Variants in SYNE1 observed in about 807,000 individuals in gnomAD.
SYNE1 encodes spectrin repeat containing nuclear envelope protein 1.
SYNE1 carries 616 observed loss-of-function variants against 1,111.0 expected under a neutral mutation model. The observed-to-expected ratio is 0.55, with a 90% CI of 0.52 to 0.59. SYNE1 has a LOEUF of 0.59. Among genes scored for constraint, SYNE1 ranks in the 20% least tolerant of loss-of-function variants. The pLI is 0.00. For missense variants in SYNE1, 10,006 were observed against 10,417.0 expected, an observed-to-expected ratio of 0.96 and a Z score of 1.72; for synonymous variants, 3,855 against 3,825.8, an observed-to-expected ratio of 1.01 and a Z score of -0.28.
At chr6:152,133,238 T>C in intron 143 of SYNE1, 38 bp downstream of exon 143, 1 of 1,584,862 alleles carries the variant, frequency 6.3e-7, no homozygotes, top group Non-Finnish European at 8.7e-7. Flanking sequence ...TGGTCTCCAG[T>C]AAGAAATGCT....
Position 152,520,662 on chromosome 6 carries a change from T to C in SYNE1, c.226-120A>G, listed in dbSNP as rs17699329. The C allele has an allele frequency of 0.024, 27,105 of 1,117,036 alleles. 437 individuals carry two copies. Among genetic ancestry groups the C allele is most frequent in the Non-Finnish European group, 0.031 (23,694 of 761,326 alleles). The allele number at this position is 1,117,036 out of a possible 1,614,324, so 69.2% of individuals were successfully genotyped here. The stretch of plus-strand genomic sequence containing the variant: ...AAGAATATTCAAAAGCAACCAACAT[T>C]GTTCACTTTCTATAAAGGTTAGCAA... On this transcript the variant is annotated intron_variant, in intron 5 of 145. Coordinates refer to ENST00000367255, the MANE Select transcript of SYNE1 (RefSeq NM_182961.4).
Position 152,285,931 on chromosome 6 carries a change from C to T in SYNE1, c.18013-1759G>A, listed in dbSNP as rs576439788. Among the ~76,000 whole-genome samples the T allele has an allele frequency of 3.2e-4, 49 of 152,260 alleles. No individual in the cohort carries two copies. The South Asian group carries it at 3.3e-3, about 10-fold the overall frequency. ...GGAAAAACAGGCTCTATCACCAGAGCGGCAACTATGATTTCAAGTAAAGTA... is the reference window on the plus strand; with the variant it reads ...GGAAAAACAGGCTCTATCACCAGAGTGGCAACTATGATTTCAAGTAAAGTA... On this transcript the variant is annotated intron_variant, in intron 95 of 145. Transcript: ENST00000367255.
intron 11 of SYNE1, among the ~76,000 whole-genome samples, chr6:152,496,291 G>A (rs1010692389): frequency 1.3e-5 from 2 of 152,124 alleles, no homozygotes; most frequent in African/African-American, 4.8e-5. Context: ...AATGAAGAGT[G>A]TTGTTTTTAC....
At chr6:152,580,168 C>T (rs1206627075) in intron 3 of SYNE1, among the ~76,000 whole-genome samples, 1 of 152,178 alleles carries the variant, frequency 6.6e-6, no homozygotes, top group East Asian at 1.9e-4. Context: ...CACAACCTTA[C>T]CAGCATCTGT....
chr6:152,487,686 C>A (rs1356391927), intron 12 of SYNE1, among the ~76,000 whole-genome samples: 1 of 152,164 alleles, frequency 6.6e-6, no homozygotes, highest in Non-Finnish European at 1.5e-5. Flanking sequence ...ACTCATGTTG[C>A]AATCCTTTGT....
chr6:152,133,571 T>A, intron 142 of SYNE1, 83 bp from the exon 143 acceptor site: 1 of 1,352,780 alleles, frequency 7.4e-7, no homozygotes, highest in Non-Finnish European at 1.0e-6. Context: ...GCAATCAACT[T>A]AACTTGGTGG....
intron 11 of SYNE1, among the ~76,000 whole-genome samples, chr6:152,498,459 T>A (rs1034205042): frequency 1.3e-5 from 2 of 152,346 alleles, no homozygotes; most frequent in Non-Finnish European, 1.5e-5. Context: ...AAGTCCTTTT[T>A]ATTAGTGTTA....
intron 52 of SYNE1, among the ~76,000 whole-genome samples, 173 bp from the exon 53 acceptor site, chr6:152,390,625 G>A (rs980631617): frequency 5.3e-5 from 8 of 152,172 alleles, no homozygotes; most frequent in Non-Finnish European, 7.3e-5. Context: ...TTAGGTATCT[G>A]GGAGTCTAGG....
chr6:152,409,487 G>T, intron 43 of SYNE1, 72 bp downstream of exon 43: 1 of 1,576,664 alleles, frequency 6.3e-7, no homozygotes, highest in South Asian at 1.1e-5. Flanking sequence ...GAATAGTGCA[G>T]ATAACTGCTT....
At chr6:152,294,171 G>T (rs1350136539) in intron 93 of SYNE1, 44 bp from the exon 94 acceptor site, 1 of 1,589,854 alleles carries the variant, frequency 6.3e-7, no homozygotes, top group South Asian at 1.1e-5. Context: ...AAAAGACAAA[G>T]TCTAGATTAA....
intron 66 of SYNE1, among the ~76,000 whole-genome samples, chr6:152,357,833 C>T (rs1197623590): frequency 6.6e-6 from 1 of 152,106 alleles, no homozygotes; most frequent in East Asian, 1.9e-4. Context: ...CTTTCTCCAC[C>T]ATGTCTGGCA....
chr6:152,461,592 C>T lies in SYNE1; in HGVS notation c.2394+5G>A, dbSNP rs199933019. On this transcript the variant is annotated splice_donor_5th_base_variant and intron_variant, in intron 21 of 145. Transcript: ENST00000367255. ...AGCCTATTGTGCATTAAATTATTTTCGCACCTTGGTTAGCTGCTCTTTGAG... is the reference window on the plus strand; with the variant it reads ...AGCCTATTGTGCATTAAATTATTTTTGCACCTTGGTTAGCTGCTCTTTGAG... 6.2e-6 allele frequency: 10 copies of T among 1,613,776 alleles called. 1 individual carries two copies. The highest frequency in any genetic ancestry group is 4.0e-5 in the African/African-American group (3 of 74,880).
chr6:152,546,456 G>A (rs2099313745), intron 3 of SYNE1: 1 of 152,120 alleles, frequency 6.6e-6, no homozygotes, highest in East Asian at 1.9e-4. Context: ...TCAATAATAT[G>A]ACAGAAGTGA....
intron 32 of SYNE1, among the ~76,000 whole-genome samples, chr6:152,440,567 A>ATTTTTTTT (rs10700163): frequency 1.6e-5 from 2 of 122,698 alleles, no homozygotes; most frequent in African/African-American, 3.3e-5. Flanking sequence ...TTGCCTCCAG[A>ATTTTTTTT]TTTTTTTTTT....
rs766830751 is a variant in SYNE1 at position 152,352,285 on chromosome 6, A to G, written c.11322T>C (p.Ala3774=). 2.6e-5 allele frequency: 42 copies of G among 1,614,144 alleles called. No individual in the cohort carries two copies. The highest frequency in any genetic ancestry group is 3.5e-5 in the Non-Finnish European group (41 of 1,180,024). The stretch of plus-strand genomic sequence containing the variant: ...CCTCGCCTTCCTCCAAGTATTTAAC[A>G]GCCCTCTCTCCTTTCTCCCGGGCTG... The part of the protein sequence containing the change: ...LKSAREKGER[A]VKYLEEGEAE... Residue 3774 remains alanine (A), a synonymous_variant, in exon 70 of 146, where the codon GCT becomes GCC. Transcript: ENST00000367255.
At chr6:152,217,048 G>T (rs2078891022) in intron 121 of SYNE1, among the ~76,000 whole-genome samples, 1 of 136,884 alleles carries the variant, frequency 7.3e-6, no homozygotes, top group Non-Finnish European at 1.5e-5. Flanking sequence ...GCGCAATAGA[G>T]CAAGACTCTA....
chr6:152,218,154 G>A (rs1054321383), intron 121 of SYNE1, 103 bp downstream of exon 121: 49 of 1,357,706 alleles, frequency 3.6e-5, no homozygotes, highest in South Asian at 1.9e-4. Flanking sequence ...ATCACACCAC[G>A]GCACTCCAGC....
At chr6:152,198,495 G>C (rs1023885550) in intron 127 of SYNE1, among the ~76,000 whole-genome samples, 1 of 152,168 alleles carries the variant, frequency 6.6e-6, no homozygotes, top group Non-Finnish European at 1.5e-5. Flanking sequence ...TTCACAACCT[G>C]GCTGTTTGTG....
At chr6:152,177,691 C>T (rs1000032856) in intron 129 of SYNE1, among the ~76,000 whole-genome samples, 3 of 152,088 alleles carry the variant, frequency 2.0e-5, no homozygotes, top group Non-Finnish European at 2.9e-5. Context: ...GATTCAAAGA[C>T]CAATACGTTG....
Sources: gnomAD v4.1 joint callset for allele counts (sites outside exome capture counted in the v4.1 genomes callset) on GRCh38, gnomAD v4.1.1 for gene constraint, MANE v1.5 for transcripts, NCBI Gene and HGNC (gene_info 2026-07-23, HGNC 2026-07-21) for gene names.